The following DEFB121 variants were observed in gnomAD, a reference collection of about 807,000 sequenced individuals.
DEFB121 encodes defensin beta 121, also known as beta-defensin 121.
A neutral mutation model predicts 2.5 loss-of-function variants in DEFB121; 5 were observed. That is an observed-to-expected ratio of 1.96 (90% confidence interval 1.03 to 4.13). The LOEUF (loss-of-function observed/expected upper bound fraction) is 4.13, where lower values mean the gene tolerates loss of function less well. DEFB121 is among the 30% of genes most tolerant of loss of function. The pLI, the probability that DEFB121 is intolerant of heterozygous loss-of-function variation, is 0.00. For synonymous variants in DEFB121, 39 were observed against 32.6 expected (o/e 1.20, Z -0.67); for missense variants, 87 against 85.0 (o/e 1.02, Z -0.09).
rs765933507 is a variant in DEFB121, at chr20:31,405,025, T to C, written c.119A>G (p.Tyr40Cys). 9 of 1,612,300 alleles carry C rather than the reference T, an allele frequency of 5.6e-6. No homozygotes were observed. In the African/African-American group the frequency reaches 1.2e-4, roughly 22 times the overall value. Residue 40 changes from tyrosine (Y) to cysteine (C), a missense_variant, in exon 2 of 2, where the codon TAC becomes TGC. Transcript: ENST00000376314. ...CRTTCKESEV[Y>C]YILCKTEAKC... The stretch of plus-strand genomic sequence containing the variant: ...AGCCTCAGTTTTGCATAATATATAG[T>C]ATACTTCACTTTCTTTACATGTTGT...
upstream of DEFB121, among the ~76,000 whole-genome samples, chr20:31,409,156 T>G (rs1978585610): frequency 6.6e-6 from 1 of 152,180 alleles, no homozygotes; most frequent in Admixed American, 6.6e-5. Context: ...AACAAAATTA[T>G]TGCTGATTTT....
upstream of DEFB121, chr20:31,406,252 G>C: frequency 6.5e-7 from 1 of 1,540,450 alleles, no homozygotes; most frequent in Non-Finnish European, 8.7e-7. Flanking sequence ...ATTGCCTTGA[G>C]GAGCATGGCA....
upstream of DEFB121, chr20:31,406,244 T>C (rs1485469746): frequency 1.3e-6 from 2 of 1,562,164 alleles, no homozygotes; most frequent in Non-Finnish European, 1.7e-6. Context: ...TGGTATTTAT[T>C]GCCTTGAGGA....
At chr20:31,406,023 C>CA (rs1978465165) in intron 1 of DEFB121, 72 bp downstream of exon 1, 1 of 1,559,918 alleles carries the variant, frequency 6.4e-7, no homozygotes, top group South Asian at 1.1e-5. Context: ...CCCAACCTGT[C>CA]AGAGTCCCCA....
At chr20:31,410,366 G>A (rs914345274), upstream of DEFB121, among the ~76,000 whole-genome samples, 2 of 152,184 alleles carry the variant, frequency 1.3e-5, no homozygotes, top group Non-Finnish European at 2.9e-5. Context: ...CTAGAGTCAG[G>A]AGAGAGGGAG....
At chr20:31,418,279 A>AAAAAAAT in the DEFB121 span, among the ~76,000 whole-genome samples, 1 of 139,496 alleles carries the variant, frequency 7.2e-6, no homozygotes, top group African/African-American at 2.7e-5. Context: ...AAAAAAAAAA[A>AAAAAAAT]AAAGAAAAAA....
chr20:31,408,855 G>A (rs901556438), upstream of DEFB121, among the ~76,000 whole-genome samples: 8 of 151,684 alleles, frequency 5.3e-5, no homozygotes, highest in South Asian at 2.1e-4. Context: ...GTGAAACCTC[G>A]TCTCTACTAA....
At chr20:31,414,093 G>C (rs1009491763), upstream of DEFB121, among the ~76,000 whole-genome samples, 1 of 152,086 alleles carries the variant, frequency 6.6e-6, no homozygotes, top group East Asian at 1.9e-4. Flanking sequence ...TGTAATCCCA[G>C]CTACTCAGGA....
intron 1 of DEFB121, among the ~76,000 whole-genome samples, chr20:31,405,453 G>T (rs1978447688): frequency 6.6e-6 from 1 of 152,124 alleles, no homozygotes; most frequent in Admixed American, 6.6e-5. Flanking sequence ...TTTTCTCATT[G>T]TTCTTTGGTA....
At chr20:31,409,728 C>T (rs1412223023), upstream of DEFB121, among the ~76,000 whole-genome samples, 1 of 152,112 alleles carries the variant, frequency 6.6e-6, no homozygotes, top group East Asian at 1.9e-4. Context: ...GCCTGGACAA[C>T]AAGAGCGAAA....
Position 31,405,007 on chromosome 20 carries a change from G to A in DEFB121, c.137C>T (p.Thr46Ile). Residue 46 changes from threonine (T) to isoleucine (I), a missense_variant, in exon 2 of 2, where the codon ACT becomes ATT. Transcript: ENST00000376314. ...ESEVYYILCK[T>I]EAKCCVDPKY... ...GGGATCCACACAGCACTTAGCCTCA[G>A]TTTTGCATAATATATAGTATACTTC... 33 of 1,613,880 alleles carry A rather than the reference G, an allele frequency of 2.0e-5. No individual in the cohort carries two copies. The highest frequency in any genetic ancestry group is 2.8e-5 in the Non-Finnish European group (33 of 1,179,964).
At chr20:31,417,622 G>T (rs1224265337), upstream of DEFB121, among the ~76,000 whole-genome samples, 1 of 151,994 alleles carries the variant, frequency 6.6e-6, no homozygotes, top group Non-Finnish European at 1.5e-5. Flanking sequence ...GATTGACAGG[G>T]CCCACCGAGT....
upstream of DEFB121, among the ~76,000 whole-genome samples, chr20:31,410,375 AG>A (rs1978624164): frequency 6.6e-6 from 1 of 152,166 alleles, no homozygotes; most frequent in Admixed American, 6.5e-5. Flanking sequence ...GGAGAGAGGG[AG>A]GGAGGCAAGG....
chr20:31,409,674 G>T (rs1311286861), upstream of DEFB121, among the ~76,000 whole-genome samples: 1 of 152,178 alleles, frequency 6.6e-6, no homozygotes, highest in African/African-American at 2.4e-5. Flanking sequence ...CCGGGAGGCG[G>T]AGGTTGCAGT....
chr20:31,413,459 A>G (rs896640578), upstream of DEFB121, among the ~76,000 whole-genome samples: 5 of 152,216 alleles, frequency 3.3e-5, no homozygotes, highest in Admixed American at 6.5e-5. Context: ...GTAACCAAAA[A>G]AAGAAGAATC....
chr20:31,416,038 GC>G (rs1568741670), upstream of DEFB121, among the ~76,000 whole-genome samples: 1 of 135,166 alleles, frequency 7.4e-6, no homozygotes. Context: ...AGAGATCTGC[GC>G]CCTTCTTCCC....
chr20:31,411,762 C>G (rs1373452033), intron 1 of DEFB121, among the ~76,000 whole-genome samples: 1 of 152,140 alleles, frequency 6.6e-6, no homozygotes, highest in Admixed American at 6.5e-5. Context: ...GCCTGGAGTC[C>G]ACATATTAAA....
upstream of DEFB121, among the ~76,000 whole-genome samples, chr20:31,416,435 T>TA (rs1475960743): frequency 6.6e-6 from 1 of 152,230 alleles, no homozygotes; most frequent in Non-Finnish European, 1.5e-5. Context: ...TTTTTGGTTT[T>TA]AAAAAGTTTT....
chr20:31,417,129 T>C, upstream of DEFB121, among the ~76,000 whole-genome samples: 1 of 152,220 alleles, frequency 6.6e-6, no homozygotes, highest in East Asian at 1.9e-4. Flanking sequence ...GCAGATCACT[T>C]GAGGTCAGGA....
Sources: allele counts gnomAD v4.1 joint callset (sites outside exome capture counted in the v4.1 genomes callset), GRCh38; gene constraint gnomAD v4.1.1; transcripts MANE v1.5; gene names NCBI Gene and HGNC (gene_info 2026-07-23, HGNC 2026-07-21).